STPG2: variants seen among roughly 807,000 people sequenced by gnomAD.
STPG2 encodes sperm-tail PG-rich repeat-containing protein 2.
A neutral mutation model predicts 54.2 loss-of-function variants in STPG2; 56 were observed. The observed-to-expected ratio is 1.03, with a 90% CI of 0.83 to 1.29. The LOEUF (loss-of-function observed/expected upper bound fraction) is 1.29, where lower values mean the gene tolerates loss of function less well. Ranked by LOEUF, STPG2 falls within the 50% of genes most tolerant of loss-of-function variation. The pLI, the probability that STPG2 is intolerant of heterozygous loss-of-function variation, is 0.00. For missense variants in STPG2, 596 were observed against 544.9 expected, an observed-to-expected ratio of 1.09 and a Z score of -0.93; for synonymous variants, 200 against 181.8, an observed-to-expected ratio of 1.10 and a Z score of -0.81.
chr4:97,861,797 C>A (rs549955334), intron 8 of STPG2, among the ~76,000 whole-genome samples: 149 of 152,146 alleles, frequency 9.8e-4, no homozygotes, highest in African/African-American at 3.3e-3. Context: ...AATTTTCAAC[C>A]CAGAATTTCA....
intron 10 of STPG2, among the ~76,000 whole-genome samples, chr4:97,665,317 T>A (rs1722491294): frequency 6.6e-6 from 1 of 151,998 alleles, no homozygotes. Flanking sequence ...CAGGTACAAG[T>A]GGAGGGTAGG....
chr4:97,832,513 C>G (rs927599292), intron 9 of STPG2, among the ~76,000 whole-genome samples: 8 of 152,082 alleles, frequency 5.3e-5, no homozygotes, highest in African/African-American at 1.7e-4. Flanking sequence ...AAGTTCTGGC[C>G]AGGGCAATCA....
chr4:97,862,616 G>T (rs966501751), intron 8 of STPG2, among the ~76,000 whole-genome samples: 9 of 151,852 alleles, frequency 5.9e-5, no homozygotes, highest in Admixed American at 2.0e-4. Context: ...TCTGCAGAAC[G>T]GTCCACCCCA....
intron 10 of STPG2, among the ~76,000 whole-genome samples, chr4:97,695,617 G>A (rs1035385801): frequency 4.6e-5 from 7 of 151,960 alleles, no homozygotes; most frequent in African/African-American, 1.7e-4. Flanking sequence ...CATCCAAAAA[G>A]CCCCTAGAAC....
chr4:97,740,896 G>A (rs969801525), intron 9 of STPG2, among the ~76,000 whole-genome samples: 5 of 151,974 alleles, frequency 3.3e-5, no homozygotes, highest in Non-Finnish European at 7.4e-5. Flanking sequence ...AAAAGAGCCC[G>A]CATCGCCAAG....
chr4:97,474,375 T>A (rs1730020625), intron 4 of STPG2, among the ~76,000 whole-genome samples: 1 of 152,034 alleles, frequency 6.6e-6, no homozygotes, highest in African/African-American at 2.4e-5. Flanking sequence ...AAAGCGATAA[T>A]GATGGAGGTT....
At position 97,542,671 on chromosome 4, in the gene STPG2, G is replaced by A. The variant is rs563726627; in HGVS notation, c.462+170028C>T. Among the ~76,000 whole-genome samples the A allele has an allele frequency of 2.7e-4, 41 of 152,200 alleles. 1 individual carries two copies. The highest frequency in any genetic ancestry group is 8.2e-4 in the African/African-American group (34 of 41,524). On this transcript the variant is annotated intron_variant, in intron 4 of 4. Coordinates refer to the STPG2 transcript ENST00000522676. ...TGTTGCTATAAAGACACATGCACACGTATGTTTATTGTGGCACTACTCACA... is the reference window on the plus strand; with the variant it reads ...TGTTGCTATAAAGACACATGCACACATATGTTTATTGTGGCACTACTCACA...
At chr4:97,889,369 C>T (rs1488426154) in intron 8 of STPG2, among the ~76,000 whole-genome samples, 2 of 152,138 alleles carry the variant, frequency 1.3e-5, no homozygotes, top group African/African-American at 4.8e-5. Flanking sequence ...ACTATATTCC[C>T]ATGTTTATTG....
intron 9 of STPG2, among the ~76,000 whole-genome samples, chr4:97,777,220 T>C (rs1413293624): frequency 1.3e-5 from 2 of 152,224 alleles, no homozygotes; most frequent in Non-Finnish European, 2.9e-5. Flanking sequence ...GAGAGAATAC[T>C]GTTAGGCCTT....
intron 4 of STPG2, among the ~76,000 whole-genome samples, chr4:97,457,144 T>C (rs1177986499): frequency 6.6e-6 from 1 of 152,182 alleles, no homozygotes; most frequent in Non-Finnish European, 1.5e-5. Flanking sequence ...CTCTTATTCC[T>C]TGCTGGTGGG....
chr4:98,105,850 G>A (rs1022449876), intron 5 of STPG2, 103 bp downstream of exon 5: 2 of 963,638 alleles, frequency 2.1e-6, no homozygotes, highest in African/African-American at 1.7e-5. Context: ...ATGACGATTA[G>A]CTATCAGGCA....
intron 9 of STPG2, among the ~76,000 whole-genome samples, chr4:97,783,985 G>A (rs764982101): frequency 6.6e-5 from 10 of 151,134 alleles, no homozygotes; most frequent in Non-Finnish European, 1.5e-4. Flanking sequence ...AGTTAATGGG[G>A]GCAGCACACC....
At chr4:98,008,071 G>A (rs1378792115) in intron 5 of STPG2, among the ~76,000 whole-genome samples, 1 of 152,192 alleles carries the variant, frequency 6.6e-6, no homozygotes, top group East Asian at 1.9e-4. Flanking sequence ...TCCAAGATAT[G>A]TAAACATCCA....
intron 9 of STPG2, among the ~76,000 whole-genome samples, chr4:97,742,887 G>GTATA (rs1725307964): frequency 6.6e-6 from 1 of 151,460 alleles, no homozygotes; most frequent in African/African-American, 2.4e-5. Flanking sequence ...CTAGAAATTT[G>GTATA]CTGAGGGTAG....
At chr4:97,971,784 A>C (rs1025449386) in intron 7 of STPG2, among the ~76,000 whole-genome samples, 2 of 152,182 alleles carry the variant, frequency 1.3e-5, no homozygotes, top group African/African-American at 4.8e-5. Flanking sequence ...GTACCCCAGA[A>C]CTTAAAGTAT....
At chr4:97,481,729 C>T (rs186368311) in intron 4 of STPG2, among the ~76,000 whole-genome samples, 1 of 151,514 alleles carries the variant, frequency 6.6e-6, no homozygotes, top group East Asian at 1.9e-4. Flanking sequence ...CTTATTAATT[C>T]TAGTGTCTTT....
At chr4:97,462,136 C>A (rs1157102008) in intron 4 of STPG2, among the ~76,000 whole-genome samples, 1 of 151,824 alleles carries the variant, frequency 6.6e-6, no homozygotes, top group Non-Finnish European at 1.5e-5. Context: ...TAAGATAGTA[C>A]TCAAAATTCT....
At chr4:98,112,067 A>G (rs1035991216) in intron 3 of STPG2, among the ~76,000 whole-genome samples, 1 of 152,108 alleles carries the variant, frequency 6.6e-6, no homozygotes, top group East Asian at 1.9e-4. Context: ...TGCAGACAGC[A>G]TATCATGGGA....
At chr4:97,675,895 A>T (rs1722822911) in intron 10 of STPG2, among the ~76,000 whole-genome samples, 2 of 147,240 alleles carry the variant, frequency 1.4e-5, no homozygotes, top group Admixed American at 1.4e-4. Context: ...ATAGGTATAT[A>T]TACATATATA....
Sources: gnomAD v4.1 joint callset for allele counts (sites outside exome capture counted in the v4.1 genomes callset) on GRCh38, gnomAD v4.1.1 for gene constraint, MANE v1.5 for transcripts, NCBI Gene and HGNC (gene_info 2026-07-23, HGNC 2026-07-21) for gene names.